Variants in PCDHA8 observed in about 807,000 individuals in gnomAD.
The protein encoded by PCDHA8 is protocadherin alpha 8.
A neutral mutation model predicts 61.8 loss-of-function variants in PCDHA8; 53 were observed. The observed-to-expected ratio is 0.86, with a 90% CI of 0.69 to 1.08. The LOEUF (loss-of-function observed/expected upper bound fraction) is 1.08. Ranked by LOEUF, PCDHA8 falls within the 50% of genes least tolerant of loss-of-function variation. PCDHA8 has a pLI of 0.00. For synonymous variants in PCDHA8, 618 were observed against 556.6 expected (o/e 1.11, Z -1.55); for missense variants, 1,293 against 1,245.0 (o/e 1.04, Z -0.58).
At position 140,964,709 on chromosome 5, in the gene PCDHA8, A is replaced by G. The variant is rs115609419; in HGVS notation, c.2395-14240A>G. On this transcript the variant is annotated intron_variant, in intron 1 of 3. Coordinates refer to ENST00000531613, the MANE Select transcript of PCDHA8 (RefSeq NM_018911.3). ...CACTTGAGAGATTAAGGCCTCCGAG[A>G]TCAAATTACCACAGCAAACTGAGAC... is the stretch of plus-strand genomic sequence containing the variant. Among the ~76,000 whole-genome samples the G allele has an allele frequency of 4.5e-3, 689 of 152,134 alleles. 3 individuals are homozygous for G. Among genetic ancestry groups the G allele is most frequent in the African/African-American group, 0.016 (667 of 41,492 alleles).
chr5:140,966,929 G>A (rs944732818), intron 1 of PCDHA8: 2 of 1,603,460 alleles, frequency 1.2e-6, no homozygotes, highest in African/African-American at 1.3e-5. Flanking sequence ...GCAGGCACCC[G>A]GCGCGCTCGT....
chr5:140,927,209 A>G, intron 1 of PCDHA8: 2 of 1,614,092 alleles, frequency 1.2e-6, no homozygotes, highest in Non-Finnish European at 1.7e-6. Context: ...GACCCGCTGG[A>G]GCTGCACAAG....
At position 140,850,229 on chromosome 5, in the gene PCDHA8, C is replaced by G. The variant is rs2150474580; in HGVS notation, c.2394+6514C>G. ...TGAGGGGCACTGACGGCGCAGTGAGCGAGATGGTGCTGCGGTCGGTGGGCG... is the reference window on the plus strand; with the variant it reads ...TGAGGGGCACTGACGGCGCAGTGAGGGAGATGGTGCTGCGGTCGGTGGGCG... On this transcript the variant is annotated intron_variant, in intron 1 of 3. Transcript: ENST00000531613. The G allele has an allele frequency of 9.4e-6, 15 of 1,593,582 alleles. No individual in the cohort carries two copies. In the East Asian group the frequency reaches 3.3e-4, roughly 36 times the overall value.
At chr5:140,952,675 T>A (rs2153696875) in intron 1 of PCDHA8, among the ~76,000 whole-genome samples, 1 of 152,326 alleles carries the variant, frequency 6.6e-6, no homozygotes, top group East Asian at 1.9e-4. Context: ...ACTTTCACAT[T>A]TTCAGGATCT....
In PCDHA8 at chr5:141,010,605, A is replaced by G. The variant is rs2098417765; in HGVS notation, c.*668A>G. ...AAAGTCTGTTGGCTGTGACGTCATT[A>G]TACCTAAAATCTGCATCATACCTGC... On this transcript the variant is annotated 3_prime_UTR_variant, in exon 4 of 4. Transcript: ENST00000531613. 1 of 206,202 alleles carries G rather than the reference A, an allele frequency of 4.8e-6. No individual in the cohort carries two copies. Among genetic ancestry groups the G allele is most frequent in the Non-Finnish European group, 9.9e-6 (1 of 101,122 alleles). 12.8% of individuals were successfully genotyped at this position (206,202 alleles called of 1,614,324 possible). A position where few individuals can be genotyped will look rare whatever the true frequency, so the allele number is the denominator to read the frequency against.
intron 3 of PCDHA8, among the ~76,000 whole-genome samples, chr5:140,990,652 A>T (rs1023448596): frequency 1.3e-4 from 20 of 152,208 alleles, no homozygotes; most frequent in Admixed American, 1.3e-3. Flanking sequence ...GCCAGTATGA[A>T]TGATTTACAT....
chr5:140,900,502 C>T (rs1242310833), intron 1 of PCDHA8, among the ~76,000 whole-genome samples: 3 of 152,184 alleles, frequency 2.0e-5, no homozygotes, highest in Non-Finnish European at 4.4e-5. Context: ...GTCTCAAATT[C>T]CCAGCCTCAG....
intron 1 of PCDHA8, chr5:140,882,018 A>G (rs2058907575): frequency 1.8e-6 from 1 of 559,242 alleles, no homozygotes; most frequent in South Asian, 4.1e-5. Flanking sequence ...AAAATACTAC[A>G]TCAATGGAAA....
In PCDHA8 at chr5:140,851,081, A is replaced by C. The variant is rs1259623632; in HGVS notation, c.2394+7366A>C. 1.0e-5 allele frequency: 13 copies of C among 1,303,686 alleles called. No individual in the cohort carries two copies. In the East Asian group the frequency reaches 3.5e-4, roughly 35 times the overall value. 80.8% of individuals were successfully genotyped at this position (1,303,686 alleles called of 1,614,324 possible). Reference sequence around the variant, plus strand: ...ACTTCTAGTGAGAATTATAAACTGTATATTAAATAGATATTTTTTGGGTGC... The same window carrying C: ...ACTTCTAGTGAGAATTATAAACTGTCTATTAAATAGATATTTTTTGGGTGC... On this transcript the variant is annotated intron_variant, in intron 1 of 3. Transcript: ENST00000531613.
intron 1 of PCDHA8, among the ~76,000 whole-genome samples, chr5:140,963,188 G>A (rs1333064851): frequency 6.6e-6 from 1 of 151,712 alleles, no homozygotes; most frequent in African/African-American, 2.4e-5. Context: ...GCTGTAGACT[G>A]TGAAAATGAA....
At chr5:140,918,595 A>T (rs2078770795) in intron 1 of PCDHA8, among the ~76,000 whole-genome samples, 1 of 152,228 alleles carries the variant, frequency 6.6e-6, no homozygotes, top group Non-Finnish European at 1.5e-5. Context: ...TGTTCTATAG[A>T]TGTTGCTATG....
intron 1 of PCDHA8, chr5:140,870,649 G>T (rs533111347): frequency 1.2e-6 from 2 of 1,612,592 alleles, no homozygotes; most frequent in Non-Finnish European, 1.7e-6. Flanking sequence ...GAGCGGCAAG[G>T]TGTACGCGCT....
At chr5:140,861,554 C>G (rs1023234694) in intron 1 of PCDHA8, 16 of 398,878 alleles carry the variant, frequency 4.0e-5, no homozygotes, top group African/African-American at 3.3e-4. Flanking sequence ...TGGAAGTGAT[C>G]GTGGACAAGC....
intron 1 of PCDHA8, chr5:140,927,991 G>T: frequency 6.2e-7 from 1 of 1,614,202 alleles, no homozygotes; most frequent in Non-Finnish European, 8.5e-7. Flanking sequence ...TGTAAAGGAT[G>T]AAGACCTCGA....
intron 1 of PCDHA8, chr5:140,883,960 G>T (rs2059914384): frequency 3.1e-6 from 5 of 1,613,090 alleles, no homozygotes; most frequent in Non-Finnish European, 4.2e-6. Flanking sequence ...ACGCTCCGGC[G>T]CTGCTGACGC....
At chr5:140,856,691 G>A (rs2044151456) in intron 1 of PCDHA8, 1 of 1,596,420 alleles carries the variant, frequency 6.3e-7, no homozygotes, top group African/African-American at 1.3e-5. Context: ...GACAGCAACT[G>A]ATGGAGGCAA....
Position 140,850,860 on chromosome 5 carries a change from C to A in PCDHA8, c.2394+7145C>A, listed in dbSNP as rs2150500728. ...TGGATCTACAGAGCGAACGGGAGAACCCTCTGCTTCCTCAGATTCAACTGG... is the reference window on the plus strand; with the variant it reads ...TGGATCTACAGAGCGAACGGGAGAAACCTCTGCTTCCTCAGATTCAACTGG... On this transcript the variant is annotated intron_variant, in intron 1 of 3. Coordinates refer to ENST00000531613, the MANE Select transcript of PCDHA8 (RefSeq NM_018911.3). The A allele has an allele frequency of 3.1e-6, 5 of 1,593,234 alleles. 1 individual carries two copies. Among genetic ancestry groups the A allele is most frequent in the Non-Finnish European group, 4.3e-6 (5 of 1,164,206 alleles).
Position 140,866,315 on chromosome 5 carries a change from A to C in PCDHA8, c.2394+22600A>C, listed in dbSNP as rs529442584. On this transcript the variant is annotated intron_variant, in intron 1 of 3. Transcript: ENST00000531613. ...GTATAGATGTTGATATTATTATTTC[A>C]GGGACCCTGAACTTGGCCAAAGGAT... The C allele has an allele frequency of 2.6e-5, 4 of 152,278 alleles. No individual in the cohort carries two copies. The East Asian group carries it at 7.7e-4, about 29-fold the overall frequency. 9.4% of individuals were successfully genotyped at this position (152,278 alleles called of 1,614,324 possible).
chr5:140,997,380 C>T (rs1554255860), intron 3 of PCDHA8, among the ~76,000 whole-genome samples: 1 of 152,112 alleles, frequency 6.6e-6, no homozygotes. Flanking sequence ...ATATAGCATA[C>T]TACACACTTA....
Sources: gnomAD v4.1 joint callset for allele counts (sites outside exome capture counted in the v4.1 genomes callset) on GRCh38, gnomAD v4.1.1 for gene constraint, MANE v1.5 for transcripts, NCBI Gene and HGNC (gene_info 2026-07-23, HGNC 2026-07-21) for gene names.